Variants in GRIK3 observed in about 807,000 individuals in gnomAD.
The protein encoded by GRIK3 is glutamate ionotropic receptor kainate type subunit 3, also known as glutamate receptor ionotropic, kainate 3.
In GRIK3, 29 loss-of-function variants were observed where a neutral mutation model predicts 102.5. That is an observed-to-expected ratio of 0.28 (90% confidence interval 0.21 to 0.39). The LOEUF (loss-of-function observed/expected upper bound fraction) is 0.39. GRIK3 is among the 10% of genes least tolerant of loss of function. The pLI is 1.00. For synonymous variants in GRIK3, 511 were observed against 504.9 expected (o/e 1.01, Z -0.16); for missense variants, 908 against 1,252.4 (o/e 0.73, Z 4.15).
rs765935790 is a variant in GRIK3 at position 36,817,231 on chromosome 1, G to A, written c.1920C>T (p.Gly640=). The A allele has an allele frequency of 1.2e-6, 2 of 1,613,762 alleles. No homozygotes were observed. The highest frequency in any genetic ancestry group is 1.7e-6 in the Non-Finnish European group (2 of 1,179,758). The change falls in exon 13 of 16, where the codon GGC becomes GGT. Residue 640 remains glycine, a synonymous_variant. Transcript: ENST00000373091. ...TGATGAGCGTGAAGAACCACCAGATGCCACCAATGATGCGTGTGGACAGGG... is the reference window on the plus strand; with the variant it reads ...TGATGAGCGTGAAGAACCACCAGATACCACCAATGATGCGTGTGGACAGGG... ...PKALSTRIIG[G]IWWFFTLIII... is the part of the protein sequence containing the mutation.
chr1:37,030,780 G>T (rs948774704), intron 1 of GRIK3, among the ~76,000 whole-genome samples: 16 of 151,906 alleles, frequency 1.1e-4, no homozygotes, highest in African/African-American at 3.4e-4. Flanking sequence ...AACCTACAAT[G>T]GCATAACAGT....
intron 13 of GRIK3, among the ~76,000 whole-genome samples, chr1:36,811,248 G>A (rs1269604296): frequency 6.6e-6 from 1 of 152,094 alleles, no homozygotes; most frequent in Admixed American, 6.5e-5. Flanking sequence ...AGAAACTGGG[G>A]AGAAAAATCT....
At chr1:37,005,220 CA>C (rs1185604077) in intron 1 of GRIK3, among the ~76,000 whole-genome samples, 4 of 152,212 alleles carry the variant, frequency 2.6e-5, no homozygotes, top group Admixed American at 6.5e-5. Context: ...TGCCAGATGC[CA>C]GCCTCTTTGG....
At position 36,871,073 on chromosome 1, in the gene GRIK3, C is replaced by T. The variant is rs907807851; in HGVS notation, c.732+1115G>A. Among the ~76,000 whole-genome samples, 4 of 152,110 alleles carry T rather than the reference C, an allele frequency of 2.6e-5. No individual in the cohort carries two copies. The East Asian group carries it at 7.7e-4, about 29-fold the overall frequency. On this transcript the variant is annotated intron_variant, in intron 4 of 15. Transcript: ENST00000373091. ...ACTGCCTGCTGGGTGTCAGAAGAAA[C>T]TCCTGATGTTTTCCTTGTTGCACTG... is the stretch of plus-strand genomic sequence containing the variant.
chr1:36,907,075 CAG>C (rs1641291593), intron 1 of GRIK3, among the ~76,000 whole-genome samples: 1 of 152,096 alleles, frequency 6.6e-6, no homozygotes, highest in African/African-American at 2.4e-5. Context: ...ATTCAAAAAA[CAG>C]GTGGTGAGTG....
Position 36,922,757 on chromosome 1 carries a change from G to A in GRIK3, c.116-31661C>T, listed in dbSNP as rs141880234. Among the ~76,000 whole-genome samples the A allele has an allele frequency of 4.4e-3, 664 of 152,232 alleles. 7 individuals carry two copies. Among genetic ancestry groups the A allele is most frequent in the African/African-American group, 0.015 (627 of 41,530 alleles). ...TGAGGAAACAGGTTCCGGGAGGTGCGGCTGCTTGCTCAGGGCTCAGATCTG... is the reference window on the plus strand; with the variant it reads ...TGAGGAAACAGGTTCCGGGAGGTGCAGCTGCTTGCTCAGGGCTCAGATCTG... On this transcript the variant is annotated intron_variant, in intron 1 of 15. Coordinates refer to ENST00000373091, the MANE Select transcript of GRIK3 (RefSeq NM_000831.4).
chr1:36,879,631 G>A (rs1640944057), intron 3 of GRIK3, among the ~76,000 whole-genome samples: 2 of 152,222 alleles, frequency 1.3e-5, no homozygotes, highest in Non-Finnish European at 2.9e-5. Context: ...GAGAGGCAGG[G>A]GGTATCACAT....
At chr1:36,933,726 A>C (rs772129567) in intron 1 of GRIK3, among the ~76,000 whole-genome samples, 12 of 152,222 alleles carry the variant, frequency 7.9e-5, no homozygotes, top group South Asian at 2.1e-4. Flanking sequence ...CAAGGACAGC[A>C]GCAAGGTATG....
intron 12 of GRIK3, among the ~76,000 whole-genome samples, chr1:36,817,835 T>C (rs980362048): frequency 5.3e-5 from 8 of 152,160 alleles, no homozygotes; most frequent in Admixed American, 2.6e-4. Context: ...GCTGCAACGA[T>C]ATAATTTGAG....
At chr1:36,935,479 G>A (rs901731094) in intron 1 of GRIK3, among the ~76,000 whole-genome samples, 1 of 152,048 alleles carries the variant, frequency 6.6e-6, no homozygotes, top group Non-Finnish European at 1.5e-5. Flanking sequence ...CTGAATCTGG[G>A]ATAACTGGGG....
intron 4 of GRIK3, among the ~76,000 whole-genome samples, chr1:36,871,957 G>A (rs760043352): frequency 4.6e-5 from 7 of 152,278 alleles, no homozygotes; most frequent in Middle Eastern, 3.4e-3. Context: ...CGGGCTGGGC[G>A]GATCATCCAT....
At chr1:36,931,653 T>C (rs760030800) in intron 1 of GRIK3, among the ~76,000 whole-genome samples, 1 of 152,202 alleles carries the variant, frequency 6.6e-6, no homozygotes, top group Non-Finnish European at 1.5e-5. Flanking sequence ...TGTTTTTCTT[T>C]GCCATATGCC....
chr1:36,979,490 C>T (rs765986313), intron 1 of GRIK3, among the ~76,000 whole-genome samples: 10 of 152,258 alleles, frequency 6.6e-5, no homozygotes, highest in Admixed American at 2.0e-4. Context: ...GCCCTATCTG[C>T]ACCCTTTCCA....
At chr1:36,942,678 C>T (rs1186070938) in intron 1 of GRIK3, among the ~76,000 whole-genome samples, 1 of 151,682 alleles carries the variant, frequency 6.6e-6, no homozygotes, top group Admixed American at 6.6e-5. Flanking sequence ...CCCTTGCCTA[C>T]AGCTGGAGGA....
intron 11 of GRIK3, among the ~76,000 whole-genome samples, chr1:36,824,282 C>A (rs1020378650): frequency 1.3e-5 from 2 of 152,148 alleles, no homozygotes; most frequent in Non-Finnish European, 2.9e-5. Flanking sequence ...GCTGAGAGAC[C>A]CCTGGAGCCG....
Position 36,880,950 on chromosome 1 carries a change from G to A in GRIK3, c.293-59C>T. 1 of 1,517,466 alleles carries A rather than the reference G, an allele frequency of 6.6e-7. No individual in the cohort carries two copies. The highest frequency in any genetic ancestry group is 8.9e-7 in the Non-Finnish European group (1 of 1,123,786). 94.0% of individuals were successfully genotyped at this position (1,517,466 alleles called of 1,614,324 possible). A position where few individuals can be genotyped will look rare whatever the true frequency, so the allele number is the denominator to read the frequency against. ...CACTGGGGCTGTGGGTATGGGGACA[G>A]TGATGCTGATGATCCTGTAAACATG... On this transcript the variant is annotated intron_variant, in intron 2 of 15. Coordinates refer to ENST00000373091, the MANE Select transcript of GRIK3 (RefSeq NM_000831.4). The surrounding 1 kb of genome is among the most constrained non-coding windows in gnomAD (Gnocchi z 5.4).
At chr1:36,952,820 T>A (rs1641861278) in intron 1 of GRIK3, among the ~76,000 whole-genome samples, 1 of 152,126 alleles carries the variant, frequency 6.6e-6, no homozygotes, top group South Asian at 2.1e-4. Context: ...AATTTATACA[T>A]GGTGTTCAGG....
chr1:36,858,301 CAA>C (rs1640676359), intron 7 of GRIK3, among the ~76,000 whole-genome samples: 1 of 152,198 alleles, frequency 6.6e-6, no homozygotes, highest in Non-Finnish European at 1.5e-5. Flanking sequence ...TACTGAAGAT[CAA>C]AGAGTTAATC....
chr1:36,880,769 G>T lies in GRIK3; in HGVS notation c.415C>A (p.His139Asn). ...EVPHIQLRWK[H>N]HPLDNKDTFY... ...GTGTCCTTGTTGTCCAGCGGGTGGT[G>T]CTTCCAACGCAGCTGGATGTGGGGC... The change falls in exon 3 of 16, where the codon CAC becomes AAC. Residue 139 changes from histidine (H) to asparagine (N), a missense_variant. His to Asn is a moderately conservative substitution (Grantham distance 68). This residue lies in a region of GRIK3 where 585 missense variants were observed against 824.9 expected (regional missense o/e 0.71). Coordinates refer to ENST00000373091, the MANE Select transcript of GRIK3 (RefSeq NM_000831.4). The surrounding 1 kb of genome is among the most constrained non-coding windows in gnomAD (Gnocchi z 5.4). 1.2e-6 allele frequency: 2 copies of T among 1,614,178 alleles called. No homozygotes were observed. Among genetic ancestry groups the T allele is most frequent in the South Asian group, 1.1e-5 (1 of 91,076 alleles).
Sources: gnomAD v4.1 joint callset for allele counts (sites outside exome capture counted in the v4.1 genomes callset) on GRCh38, gnomAD v4.1.1 for gene constraint, gnomAD v4.1.1 regional missense constraint, Gnocchi (gnomAD v3.1) non-coding constraint, MANE v1.5 for transcripts, NCBI Gene and HGNC (gene_info 2026-07-23, HGNC 2026-07-21) for gene names.